FKBP8: variants seen among roughly 807,000 people sequenced by gnomAD.
FKBP8 encodes FKBP prolyl isomerase 8, also known as peptidyl-prolyl cis-trans isomerase FKBP8.
Under a neutral mutation model 41.7 loss-of-function variants are expected in FKBP8, and 5 were observed. That is an observed-to-expected ratio of 0.12 (90% confidence interval 0.06 to 0.25). FKBP8 has a LOEUF of 0.25. Ranked by LOEUF, FKBP8 falls within the 10% of genes least tolerant of loss-of-function variation. The pLI, the probability that FKBP8 is intolerant of heterozygous loss-of-function variation, is 1.00. For missense variants in FKBP8, 397 were observed against 563.0 expected (o/e 0.71, Z 2.98); for synonymous variants, 279 against 254.5 (o/e 1.10, Z -0.92).
In FKBP8 at chr19:18,538,808, CTTTTT is replaced by C. The variant is rs1165932658; in HGVS notation, c.552-377_552-373del. ...GACTACAGGTGTGCACCACACCCAG[CTTTTT>C]TTTTTTTTTTTTTTTTTTTTTGAGA... is the stretch of plus-strand genomic sequence containing the variant. On this transcript the variant is annotated intron_variant, in intron 4 of 8. Transcript: ENST00000608443. This position sits in a 1 kb window ranked among gnomAD's most constrained non-coding sequence, Gnocchi z 4.0. Among the ~76,000 whole-genome samples, 6 of 102,190 alleles carry C rather than the reference CTTTTT, an allele frequency of 5.9e-5. No homozygotes were observed. The highest frequency in any genetic ancestry group is 2.4e-4 in the African/African-American group (4 of 16,342). 67.0% of individuals were successfully genotyped at this position (102,190 alleles called of 152,430 possible).
Position 18,532,095 on chromosome 19 carries a change from A to AG in FKBP8, c.*73dup. 1 of 1,324,132 alleles carries AG rather than the reference A, an allele frequency of 7.6e-7. No homozygotes were observed. Among genetic ancestry groups the AG allele is most frequent in the South Asian group, 1.3e-5 (1 of 79,260 alleles). 82.0% of individuals were successfully genotyped at this position (1,324,132 alleles called of 1,614,324 possible). ...GGCCAGACCAGGGAGGGCAGTGGAC[A>AG]GGGAGCCTGGGGGAGTTGGGGAGCG... is the stretch of plus-strand genomic sequence containing the variant. On this transcript the variant is annotated 3_prime_UTR_variant, in exon 9 of 9. Transcript: ENST00000608443.
At position 18,538,230 on chromosome 19, in the gene FKBP8, G is replaced by T; in HGVS notation, c.758C>A (p.Thr253Asn). Residue 253 changes from threonine (T) to asparagine (N), a missense_variant, in exon 5 of 9, where the codon ACC becomes AAC. By Grantham distance (65) the Thr-to-Asn change is moderately conservative. Around this residue, in one of 2 missense-constraint regions of FKBP8, gnomAD observed 225 missense variants for 366.8 expected, o/e 0.61. Transcript: ENST00000608443. The surrounding 1 kb of genome is among the most constrained non-coding windows in gnomAD (Gnocchi z 4.0). ...NSYDLAIKAI[T>N]SSAKVDMTFE... ...CAGGCGGTCACCTTTGGCGCTGGAGGTGATAGCCTTGATGGCGAGGTCGTA... is the reference window on the plus strand; with the variant it reads ...CAGGCGGTCACCTTTGGCGCTGGAGTTGATAGCCTTGATGGCGAGGTCGTA... The T allele has an allele frequency of 6.2e-7, 1 of 1,609,312 alleles. No individual in the cohort carries two copies. Among genetic ancestry groups the T allele is most frequent in the South Asian group, 1.1e-5 (1 of 90,802 alleles).
At chr19:18,532,558 C>A in intron 8 of FKBP8, 106 bp downstream of exon 8, 1 of 1,493,786 alleles carries the variant, frequency 6.7e-7, no homozygotes, top group Non-Finnish European at 9.0e-7. Flanking sequence ...TCCCCTGCAT[C>A]GCCCAGGACG....
At position 18,539,740 on chromosome 19, in the gene FKBP8, T is replaced by C. The variant is rs901889005; in HGVS notation, c.293-20A>G. ...CGTTCCCTGCCAGGGTCCAGGGACA[T>C]GCAGCCTGTCACCTGGCAGCTCAAA... On this transcript the variant is annotated intron_variant, in intron 2 of 8. Transcript: ENST00000608443. The C allele has an allele frequency of 3.1e-6, 5 of 1,602,576 alleles. No homozygotes were observed. Among genetic ancestry groups the C allele is most frequent in the Non-Finnish European group, 4.2e-6 (5 of 1,178,894 alleles).
chr19:18,541,783 G>A lies in FKBP8; in HGVS notation c.188C>T (p.Ala63Val), dbSNP rs759836176. ...PPLEDMGQPPAEEAEQPGALA... is the reference protein window; with the variant it reads ...PPLEDMGQPPVEEAEQPGALA... ...GGCCCCAGGCTGCTCAGCCTCCTCC[G>A]CCGGGGGTTGTCCCATGTCCTCCAG... Residue 63 changes from alanine (A) to valine (V), a missense_variant, in exon 2 of 9, where the codon GCG becomes GTG. This residue lies in a region of FKBP8 where 172 missense variants were observed against 196.2 expected (regional missense o/e 0.88). Transcript: ENST00000608443. The A allele has an allele frequency of 1.3e-5, 21 of 1,613,762 alleles. No homozygotes were observed. Among genetic ancestry groups the A allele is most frequent in the Admixed American group, 5.0e-5 (3 of 59,976 alleles).
chr19:18,532,208 C>T lies in FKBP8; in HGVS notation c.1203G>A (p.Gly401=). The change falls in exon 9 of 9, where the codon GGG becomes GGA. Residue 401 remains glycine, a synonymous_variant. Transcript: ENST00000608443. ...CGATGACCACAGAGAGTGCCACACC[C>T]CCCAAGGCAACAGCAGTCGCCCCAA... ...WLFGATAVAL[G]GVALSVVIAA... is the part of the protein sequence containing the mutation. 6.2e-7 allele frequency: 1 copy of T among 1,610,004 alleles called. No individual in the cohort carries two copies. Among genetic ancestry groups the T allele is most frequent in the South Asian group, 1.1e-5 (1 of 89,878 alleles).
intron 6 of FKBP8, among the ~76,000 whole-genome samples, chr19:18,533,712 A>G (rs1216487987): frequency 6.9e-6 from 1 of 144,546 alleles, no homozygotes; most frequent in Non-Finnish European, 1.5e-5. Flanking sequence ...TTAAAAAAAG[A>G]AAAAAAAAAA....
At chr19:18,534,098 C>T (rs1264632225) in intron 6 of FKBP8, among the ~76,000 whole-genome samples, 1 of 148,938 alleles carries the variant, frequency 6.7e-6, no homozygotes, top group East Asian at 2.0e-4. Context: ...GAGGTCAGGA[C>T]GTCAAGACCA....
intron 2 of FKBP8, 88 bp downstream of exon 2, chr19:18,541,590 TC>T: frequency 6.6e-7 from 1 of 1,517,940 alleles, no homozygotes; most frequent in Non-Finnish European, 8.8e-7. Context: ...CCACGTGACT[TC>T]CAACCCTCAC....
In FKBP8 at chr19:18,538,306, A is replaced by G; in HGVS notation, c.682T>C (p.Cys228Arg). 1 of 1,613,180 alleles carries G rather than the reference A, an allele frequency of 6.2e-7. No homozygotes were observed. Among genetic ancestry groups the G allele is most frequent in the South Asian group, 1.1e-5 (1 of 91,032 alleles). Reference sequence around the variant, plus strand: ...GCCCGCTGGTAGTGGGCGTTGCCGCACTCCCGCTTCCGGTTGGCCAGGGCC... The same window carrying G: ...GCCCGCTGGTAGTGGGCGTTGCCGCGCTCCCGCTTCCGGTTGGCCAGGGCC... ...RVALANRKRE[C>R]GNAHYQRADF... Residue 228 changes from cysteine to arginine, a missense_variant, in exon 5 of 9, where the codon TGC becomes CGC. Physicochemically the swap from Cys to Arg is radical, Grantham distance 180. Transcript: ENST00000608443. This position sits in a 1 kb window ranked among gnomAD's most constrained non-coding sequence, Gnocchi z 4.0.
intron 8 of FKBP8, 194 bp downstream of exon 8, chr19:18,532,470 C>T (rs2145182237): frequency 2.0e-6 from 2 of 981,974 alleles, no homozygotes; most frequent in South Asian, 1.6e-5. Context: ...AGAGGCTCCA[C>T]AGTCCACCCC....
intron 6 of FKBP8, chr19:18,535,838 G>T: frequency 6.6e-6 from 1 of 152,224 alleles, no homozygotes. Flanking sequence ...GAAGGTCAGA[G>T]CAGAGAAACA....
chr19:18,539,672 G>C lies in FKBP8; in HGVS notation c.341C>G (p.Ser114Trp). 1 of 1,611,048 alleles carries C rather than the reference G, an allele frequency of 6.2e-7. No individual in the cohort carries two copies. The highest frequency in any genetic ancestry group is 8.5e-7 in the Non-Finnish European group (1 of 1,180,014). The change falls in exon 3 of 9, where the codon TCG (serine) becomes TGG (tryptophan). Residue 114 changes from serine (S) to tryptophan (W), a missense_variant. Physicochemically the swap from Ser to Trp is radical, Grantham distance 177 (BLOSUM62 -3). This residue lies in a region of FKBP8 where 172 missense variants were observed against 196.2 expected (regional missense o/e 0.88). Coordinates refer to ENST00000608443, the MANE Select transcript of FKBP8 (RefSeq NM_012181.5). ...KKTLVPGPPG[S>W]SRPVKGQVVT... Reference sequence around the variant, plus strand: ...CACCTGGCCCTTGACCGGGCGGCTCGAACCTGGCGGCCCTGGGACCAGCGT... The same window carrying C: ...CACCTGGCCCTTGACCGGGCGGCTCCAACCTGGCGGCCCTGGGACCAGCGT...
In FKBP8 at chr19:18,532,258, G is replaced by T. The variant is rs1439557358; in HGVS notation, c.1156-3C>A. On this transcript the variant is annotated splice_polypyrimidine_tract_variant and splice_region_variant and intron_variant, in intron 8 of 8. Coordinates refer to ENST00000608443, the MANE Select transcript of FKBP8 (RefSeq NM_012181.5). ...AACAGCCACTTCCATGGGATGGACT[G>T]TGGATAAAAAGGAGGGGAGAGAAGG... 15 of 1,601,500 alleles carry T rather than the reference G, an allele frequency of 9.4e-6. No individual in the cohort carries two copies. The highest frequency in any genetic ancestry group is 1.2e-5 in the Non-Finnish European group (14 of 1,174,766).
Position 18,538,055 on chromosome 19 carries a change from G to C in FKBP8, c.772+161C>G, listed in dbSNP as rs1976619752. On this transcript the variant is annotated intron_variant, in intron 5 of 8. Coordinates refer to ENST00000608443, the MANE Select transcript of FKBP8 (RefSeq NM_012181.5). This position sits in a 1 kb window ranked among gnomAD's most constrained non-coding sequence, Gnocchi z 4.0. Reference sequence around the variant, plus strand: ...ACTCCACTGGTCTGGGATATACCACGAGTCTGTAACAGGCCCTAGCTTAGG... The same window carrying C: ...ACTCCACTGGTCTGGGATATACCACCAGTCTGTAACAGGCCCTAGCTTAGG... 1.3e-6 allele frequency: 1 copy of C among 794,590 alleles called. No homozygotes were observed. The highest frequency in any genetic ancestry group is 2.0e-6 in the Non-Finnish European group (1 of 496,860). The allele number at this position is 794,590 out of a possible 1,614,324, so 49.2% of individuals were successfully genotyped here.
rs1363871032 is a variant in FKBP8, at chr19:18,537,322, CAG to C, written c.945+277_945+278del. 6.6e-6 allele frequency among the ~76,000 whole-genome samples: 1 copy of C among 151,758 alleles called. No individual in the cohort carries two copies. The highest frequency in any genetic ancestry group is 2.4e-5 in the African/African-American group (1 of 41,104). ...CACCACTGCACTCCAGCCTGGGTGA[CAG>C]AGTGAGACTCTGTCTCAAGAAACAA... On this transcript the variant is annotated intron_variant, in intron 6 of 8. Transcript: ENST00000608443. This position sits in a 1 kb window ranked among gnomAD's most constrained non-coding sequence, Gnocchi z 4.4.
chr19:18,542,224 G>A, intron 1 of FKBP8: 2 of 509,640 alleles, frequency 3.9e-6, no homozygotes, highest in South Asian at 3.5e-5. Context: ...CATTATTAGA[G>A]CTAATTATTA....
rs906423081 is a variant in FKBP8 at position 18,531,989 on chromosome 19, T to C, written c.*180A>G. The stretch of plus-strand genomic sequence containing the variant: ...GAATGAGGGCCCCCTCCCTCTGGGC[T>C]TTCCTCCTAGAGGGCCTCAGTCCCT... On this transcript the variant is annotated 3_prime_UTR_variant, in exon 9 of 9. Transcript: ENST00000608443. The C allele has an allele frequency of 3.3e-6, 2 of 613,490 alleles. No individual in the cohort carries two copies. The highest frequency in any genetic ancestry group is 2.8e-5 in the East Asian group (1 of 35,950). The allele number at this position is 613,490 out of a possible 1,614,324, so 38.0% of individuals were successfully genotyped here.
chr19:18,532,267 A>T lies in FKBP8; in HGVS notation c.1156-12T>A, dbSNP rs1600526496. 5.6e-6 allele frequency: 9 copies of T among 1,595,790 alleles called. No homozygotes were observed. Among genetic ancestry groups the T allele is most frequent in the Non-Finnish European group, 7.7e-6 (9 of 1,171,868 alleles). On this transcript the variant is annotated splice_polypyrimidine_tract_variant and intron_variant, in intron 8 of 8. Transcript: ENST00000608443. ...TTCCATGGGATGGACTGTGGATAAA[A>T]AGGAGGGGAGAGAAGGGTGGAGGGA...
Sources: gnomAD v4.1 joint callset for allele counts (sites outside exome capture counted in the v4.1 genomes callset) on GRCh38, gnomAD v4.1.1 for gene constraint, gnomAD v4.1.1 regional missense constraint, Gnocchi (gnomAD v3.1) non-coding constraint, MANE v1.5 for transcripts, NCBI Gene and HGNC (gene_info 2026-07-23, HGNC 2026-07-21) for gene names.